Variants in ACTR3C observed in about 807,000 individuals in gnomAD.
ACTR3C encodes the protein actin-related protein 3C.
A neutral mutation model predicts 26.3 loss-of-function variants in ACTR3C; 18 were observed. The observed-to-expected ratio is 0.68, with a 90% confidence interval of 0.47 to 1.01. ACTR3C has a LOEUF of 1.01. Ranked by LOEUF, ACTR3C falls within the 50% of genes least tolerant of loss-of-function variation. The pLI is 0.00. For missense variants in ACTR3C, 184 were observed against 250.7 expected (o/e 0.73, Z 1.80); for synonymous variants, 55 against 94.5 (o/e 0.58, Z 2.42).
the ACTR3C span, among the ~76,000 whole-genome samples, chr7:149,894,163 G>C: frequency 1.3e-5 from 2 of 152,170 alleles, no homozygotes; most frequent in South Asian, 4.1e-4. Context: ...CGGGCAAAGT[G>C]TAAATGTTAC....
At chr7:150,258,626 A>C (rs1426851194) in intron 6 of ACTR3C, among the ~76,000 whole-genome samples, 1 of 152,248 alleles carries the variant, frequency 6.6e-6, no homozygotes, top group Non-Finnish European at 1.5e-5. Flanking sequence ...GCAATGTGAG[A>C]AAAAAACTGT....
At chr7:149,969,412 T>G in the ACTR3C span, among the ~76,000 whole-genome samples, 68,584 of 151,432 alleles carry the variant, frequency 0.45, 17,384 homozygotes, top group South Asian at 0.56. Flanking sequence ...TGGGCTGGAC[T>G]ACAGAGGCTC....
At chr7:150,019,599 A>AAATAAAAATAAAAATAAT in the ACTR3C span, among the ~76,000 whole-genome samples, 7 of 109,810 alleles carry the variant, frequency 6.4e-5, no homozygotes, top group African/African-American at 2.4e-4. Flanking sequence ...TCAAAAATAA[A>AAATAAAAATAAAAATAAT]AATAATAATA....
the ACTR3C span, among the ~76,000 whole-genome samples, chr7:150,046,351 C>CCG: frequency 8.2e-5 from 5 of 60,906 alleles, no homozygotes; most frequent in African/African-American, 2.0e-4. Flanking sequence ...CTCACCGCCC[C>CCG]CCCCCCCCCG....
At chr7:150,042,758 T>A in the ACTR3C span, among the ~76,000 whole-genome samples, 2 of 151,316 alleles carry the variant, frequency 1.3e-5, no homozygotes, top group African/African-American at 4.9e-5. Flanking sequence ...GGCCATCCTT[T>A]AGAAACCTGT....
chr7:150,276,821 C>T (rs1834925922), intron 6 of ACTR3C, among the ~76,000 whole-genome samples: 1 of 152,204 alleles, frequency 6.6e-6, no homozygotes, highest in Non-Finnish European at 1.5e-5. Context: ...TGCCACTTAA[C>T]AGGGCCCCCT....
the ACTR3C span, among the ~76,000 whole-genome samples, chr7:150,140,129 C>T: frequency 6.6e-6 from 1 of 152,214 alleles, no homozygotes; most frequent in Admixed American, 6.5e-5. Context: ...CCAGTCAGCT[C>T]AGTGAAGGAA....
the ACTR3C span, among the ~76,000 whole-genome samples, chr7:149,975,841 A>C: frequency 2.0e-5 from 3 of 152,188 alleles, no homozygotes; most frequent in African/African-American, 7.2e-5. Flanking sequence ...CAAGAACAGC[A>C]TGGGGGAAAC....
chr7:150,015,360 G>A, the ACTR3C span, among the ~76,000 whole-genome samples: 3 of 152,218 alleles, frequency 2.0e-5, no homozygotes, highest in Non-Finnish European at 2.9e-5. Context: ...ATATGAATCA[G>A]TAGGGAGACG....
At chr7:150,262,869 GC>G (rs1467399956) in intron 6 of ACTR3C, among the ~76,000 whole-genome samples, 1 of 152,180 alleles carries the variant, frequency 6.6e-6, no homozygotes, top group Non-Finnish European at 1.5e-5. Flanking sequence ...AAGATATCTC[GC>G]CCCCAAGGGC....
the ACTR3C span, among the ~76,000 whole-genome samples, chr7:150,023,132 TAC>T: frequency 7.0e-6 from 1 of 143,640 alleles, no homozygotes; most frequent in Middle Eastern, 3.6e-3. Context: ...CATATCTATA[TAC>T]ATATATATAG....
chr7:150,040,063 TC>T, the ACTR3C span, among the ~76,000 whole-genome samples: 4 of 133,542 alleles, frequency 3.0e-5, 1 homozygote, highest in Non-Finnish European at 6.3e-5. Flanking sequence ...GGGGGGTGCC[TC>T]CCCCCACTGC....
the ACTR3C span, among the ~76,000 whole-genome samples, chr7:149,988,061 T>C: frequency 6.6e-6 from 1 of 152,214 alleles, no homozygotes; most frequent in African/African-American, 2.4e-5. Flanking sequence ...GAATTGCCCT[T>C]GGTTGGTGGT....
chr7:150,242,773 A>G (rs1054989309), downstream of ACTR3C, among the ~76,000 whole-genome samples: 6 of 152,132 alleles, frequency 3.9e-5, no homozygotes, highest in African/African-American at 1.4e-4. Context: ...GGGAAGGAGT[A>G]TCAGCAGTGG....
At chr7:150,110,664 G>T in the ACTR3C span, among the ~76,000 whole-genome samples, 2 of 146,380 alleles carry the variant, frequency 1.4e-5, no homozygotes, top group African/African-American at 5.2e-5. Flanking sequence ...GGGCAAAACT[G>T]TCTGAGGGCG....
the ACTR3C span, among the ~76,000 whole-genome samples, chr7:149,889,809 A>C: frequency 3.9e-4 from 59 of 152,144 alleles, no homozygotes; most frequent in Admixed American, 1.4e-3. Context: ...GTGAGCTAGG[A>C]TTGTGCCACA....
the ACTR3C span, among the ~76,000 whole-genome samples, chr7:149,995,036 G>A: frequency 5.3e-5 from 8 of 151,978 alleles, no homozygotes; most frequent in Non-Finnish European, 1.0e-4. Context: ...TGTATTTTTG[G>A]TAGAGATGGG....
chr7:150,097,553 A>C, the ACTR3C span, among the ~76,000 whole-genome samples: 2 of 151,680 alleles, frequency 1.3e-5, no homozygotes, highest in East Asian at 3.9e-4. Context: ...CTTTACATGT[A>C]GCCTAACCTT....
chr7:150,041,737 G>T, the ACTR3C span, among the ~76,000 whole-genome samples: 60 of 145,774 alleles, frequency 4.1e-4, 1 homozygote, highest in East Asian at 8.0e-3. Context: ...CTGCGATGGG[G>T]GTCCTAAGAG....
Sources: gnomAD v4.1 joint callset for allele counts (sites outside exome capture counted in the v4.1 genomes callset) on GRCh38, gnomAD v4.1.1 for gene constraint, MANE v1.5 for transcripts, NCBI Gene and HGNC (gene_info 2026-07-23, HGNC 2026-07-21) for gene names.